The following UBE2D2 variants were observed in gnomAD, a reference collection of about 807,000 sequenced individuals.
The protein encoded by UBE2D2 is ubiquitin-conjugating enzyme E2 D2.
Under a neutral mutation model 24.2 loss-of-function variants are expected in UBE2D2, and 2 were observed. That is an observed-to-expected ratio of 0.08 (90% CI 0.03 to 0.26). The LOEUF (loss-of-function observed/expected upper bound fraction) is 0.26, where lower values mean the gene tolerates loss of function less well. Ranked by LOEUF, UBE2D2 falls within the 10% of genes least tolerant of loss-of-function variation. The pLI is 1.00. For synonymous variants in UBE2D2, 58 were observed against 56.5 expected (o/e 1.03, Z -0.12); for missense variants, 44 against 177.6 (o/e 0.25, Z 4.28).
intron 1 of UBE2D2, among the ~76,000 whole-genome samples, chr5:139,547,274 G>A (rs1225968410): frequency 6.6e-6 from 1 of 152,132 alleles, no homozygotes; most frequent in African/African-American, 2.4e-5. Context: ...CTGGGTGACA[G>A]AGCGAGACTC....
At chr5:139,554,293 C>T (rs1358687459) in intron 1 of UBE2D2, among the ~76,000 whole-genome samples, 2 of 152,138 alleles carry the variant, frequency 1.3e-5, no homozygotes, top group Admixed American at 6.5e-5. Flanking sequence ...CTCAGCCTCC[C>T]GAGTGGCTGG....
intron 1 of UBE2D2, among the ~76,000 whole-genome samples, chr5:139,547,028 C>T (rs1030221547): frequency 1.3e-5 from 2 of 151,738 alleles, no homozygotes; most frequent in Non-Finnish European, 2.9e-5. Context: ...AGGTGGCTCA[C>T]GCCTGTAATC....
At chr5:139,566,759 G>A (rs978138429) in intron 1 of UBE2D2, among the ~76,000 whole-genome samples, 4 of 152,052 alleles carry the variant, frequency 2.6e-5, no homozygotes, top group Non-Finnish European at 4.4e-5. Flanking sequence ...AGAACTTGAG[G>A]GAGCTAGAAA....
chr5:139,618,679 A>AT lies in UBE2D2; in HGVS notation c.304+3721dup, dbSNP rs566818348. 2.6e-3 allele frequency among the ~76,000 whole-genome samples: 397 copies of AT among 151,914 alleles called. 3 individuals are homozygous for AT. The highest frequency in any genetic ancestry group is 8.6e-3 in the African/African-American group (355 of 41,436). ...TTGTTCTTCCCCTTGCCTAGCGTTGATTTTTTTTCAGCTATTCCAAATGAT... is the reference window on the plus strand; with the variant it reads ...TTGTTCTTCCCCTTGCCTAGCGTTGATTTTTTTTTCAGCTATTCCAAATGAT... On this transcript the variant is annotated intron_variant, in intron 5 of 6. Coordinates refer to ENST00000398733, the MANE Select transcript of UBE2D2 (RefSeq NM_003339.3).
At chr5:139,549,663 G>C (rs752425585) in intron 1 of UBE2D2, among the ~76,000 whole-genome samples, 1 of 152,210 alleles carries the variant, frequency 6.6e-6, no homozygotes. Flanking sequence ...GAGACTCCCC[G>C]ACGGGGCGCC....
chr5:139,573,745 G>A (rs991610866), intron 1 of UBE2D2, among the ~76,000 whole-genome samples: 3 of 151,978 alleles, frequency 2.0e-5, no homozygotes, highest in African/African-American at 7.2e-5. Context: ...TGAGGCGGGC[G>A]AATCACGAGG....
intron 1 of UBE2D2, among the ~76,000 whole-genome samples, chr5:139,527,138 A>G (rs985157426): frequency 6.6e-6 from 1 of 152,226 alleles, no homozygotes; most frequent in African/African-American, 2.4e-5. Context: ...TGTGTGAAAT[A>G]GACTGGCTAG....
rs142341762 is a variant in UBE2D2, at chr5:139,598,914, T to C, written c.25-1458T>C. On this transcript the variant is annotated intron_variant, in intron 1 of 6. Transcript: ENST00000398733. ...TTACTTCAGTCAGCCTTTTAAAATATATTCCTTTTTTTTTTTTTTTTTTTT... is the reference window on the plus strand; with the variant it reads ...TTACTTCAGTCAGCCTTTTAAAATACATTCCTTTTTTTTTTTTTTTTTTTT... Among the ~76,000 whole-genome samples the C allele has an allele frequency of 3.3e-3, 482 of 144,166 alleles. 2 individuals are homozygous for C. Among genetic ancestry groups the C allele is most frequent in the African/African-American group, 0.012 (464 of 38,400 alleles). 94.6% of individuals were successfully genotyped at this position (144,166 alleles called of 152,430 possible). A position where few individuals can be genotyped will look rare whatever the true frequency, so the allele number is the denominator to read the frequency against.
chr5:139,605,528 C>T (rs1243851392), intron 2 of UBE2D2, among the ~76,000 whole-genome samples: 1 of 133,714 alleles, frequency 7.5e-6, no homozygotes, highest in Non-Finnish European at 1.5e-5. Context: ...GGAGGTGGAG[C>T]TTGCAGTGAG....
chr5:139,536,989 C>A (rs1257814297), intron 1 of UBE2D2, among the ~76,000 whole-genome samples: 1 of 151,974 alleles, frequency 6.6e-6, no homozygotes, highest in Admixed American at 6.6e-5. Context: ...ACCATCCTGG[C>A]TAACATGGTG....
chr5:139,587,345 A>G (rs1049845777), intron 1 of UBE2D2, among the ~76,000 whole-genome samples: 1 of 152,106 alleles, frequency 6.6e-6, no homozygotes, highest in Admixed American at 6.6e-5. Flanking sequence ...GACAGCAGCA[A>G]ACAGTAGTGG....
At chr5:139,624,992 A>G (rs1292808258) in intron 6 of UBE2D2, among the ~76,000 whole-genome samples, 3 of 152,150 alleles carry the variant, frequency 2.0e-5, no homozygotes, top group Admixed American at 6.5e-5. Context: ...CCAAGTCATC[A>G]TGGAGTAATG....
chr5:139,530,982 T>C (rs1752590294), intron 1 of UBE2D2, among the ~76,000 whole-genome samples: 3 of 152,186 alleles, frequency 2.0e-5, no homozygotes, highest in African/African-American at 4.8e-5. Flanking sequence ...AGCACAAGCA[T>C]ACTATGTAAA....
chr5:139,591,437 A>G (rs1208371530), intron 1 of UBE2D2, among the ~76,000 whole-genome samples: 1 of 152,078 alleles, frequency 6.6e-6, no homozygotes. Context: ...GGTATTTTCT[A>G]TACTTTTAGT....
At chr5:139,560,842 G>A (rs746080689), upstream of UBE2D2, among the ~76,000 whole-genome samples, 3 of 152,134 alleles carry the variant, frequency 2.0e-5, no homozygotes, top group Non-Finnish European at 2.9e-5. Flanking sequence ...CAACCCGAGC[G>A]GCTATGAGAC....
chr5:139,549,769 C>G (rs903391760), intron 1 of UBE2D2, among the ~76,000 whole-genome samples: 10 of 152,226 alleles, frequency 6.6e-5, no homozygotes, highest in African/African-American at 1.7e-4. Context: ...CGCCCCGGCC[C>G]AGCACAGGAT....
chr5:139,598,828 G>A (rs1354014293), intron 1 of UBE2D2, among the ~76,000 whole-genome samples: 2 of 150,126 alleles, frequency 1.3e-5, no homozygotes, highest in African/African-American at 4.9e-5. Flanking sequence ...CTCCCAAAGT[G>A]TTGGGATTAC....
chr5:139,627,617 T>C lies in UBE2D2; in HGVS notation c.*816T>C, dbSNP rs1365460644. 1 of 152,682 alleles carries C rather than the reference T, an allele frequency of 6.5e-6. No homozygotes were observed. The highest frequency in any genetic ancestry group is 1.5e-5 in the Non-Finnish European group (1 of 68,038). The allele number at this position is 152,682 out of a possible 1,614,324, so 9.5% of individuals were successfully genotyped here. A position where few individuals can be genotyped will look rare whatever the true frequency, so the allele number is the denominator to read the frequency against. On this transcript the variant is annotated 3_prime_UTR_variant, in exon 7 of 7. Transcript: ENST00000398733. ...TACTTGTGTATATTTAAAGACCCAATTGCTCCTCTGGAGCTTGTACTTTCA... is the reference window on the plus strand; with the variant it reads ...TACTTGTGTATATTTAAAGACCCAACTGCTCCTCTGGAGCTTGTACTTTCA...
intron 1 of UBE2D2, among the ~76,000 whole-genome samples, chr5:139,576,502 C>T (rs140180319): frequency 2.9e-3 from 436 of 151,556 alleles, no homozygotes; most frequent in Non-Finnish European, 4.2e-3. Flanking sequence ...TTTTTTGAGA[C>T]GGACTACAGA....
Sources: gnomAD v4.1 joint callset for allele counts (sites outside exome capture counted in the v4.1 genomes callset) on GRCh38, gnomAD v4.1.1 for gene constraint, MANE v1.5 for transcripts, NCBI Gene and HGNC (gene_info 2026-07-23, HGNC 2026-07-21) for gene names.